The following ADCY2 variants were observed in gnomAD, a reference collection of about 807,000 sequenced individuals.
The protein encoded by ADCY2 is adenylate cyclase type 2.
Under a neutral mutation model 125.2 loss-of-function variants are expected in ADCY2, and 31 were observed. That is an observed-to-expected ratio of 0.25 (90% CI 0.19 to 0.33). ADCY2 has a LOEUF of 0.33. ADCY2 is among the 10% of genes least tolerant of loss of function. The probability of loss-of-function intolerance (pLI) is 1.00; values close to 1 mark genes in which losing one functional copy is unlikely to be tolerated. For missense variants in ADCY2, 904 were observed against 1,418.2 expected, an observed-to-expected ratio of 0.64 and a Z score of 5.82; for synonymous variants, 512 against 548.4, an observed-to-expected ratio of 0.93 and a Z score of 0.93.
rs77787064 is a variant in ADCY2 at position 7,400,759 on chromosome 5, G to A, written c.210+4253G>A. ...CATCTTTTTATGCATTTCTATACACGCAGGAAATCTTACTCTGCAGGTGCT... is the reference window on the plus strand; with the variant it reads ...CATCTTTTTATGCATTTCTATACACACAGGAAATCTTACTCTGCAGGTGCT... On this transcript the variant is annotated intron_variant, in intron 1 of 24. Coordinates refer to ENST00000338316, the MANE Select transcript of ADCY2 (RefSeq NM_020546.3). Among the ~76,000 whole-genome samples the A allele has an allele frequency of 5.1e-3, 779 of 152,268 alleles. 8 individuals are homozygous for A. The highest frequency in any genetic ancestry group is 0.02 in the Middle Eastern group (6 of 294).
intron 2 of ADCY2, among the ~76,000 whole-genome samples, chr5:7,441,387 T>G (rs2126399731): frequency 6.6e-6 from 1 of 152,294 alleles, no homozygotes; most frequent in Non-Finnish European, 1.5e-5. Context: ...ATACTGCATG[T>G]CATATTGATG....
intron 2 of ADCY2, among the ~76,000 whole-genome samples, chr5:7,453,900 AT>A (rs1741569025): frequency 6.6e-6 from 1 of 151,924 alleles, no homozygotes; most frequent in South Asian, 2.1e-4. Flanking sequence ...AAACTCCGCC[AT>A]TTTGCCTCTT....
intron 5 of ADCY2, chr5:7,691,928 G>T: frequency 6.4e-6 from 1 of 155,386 alleles, no homozygotes; most frequent in South Asian, 1.8e-4. Flanking sequence ...GAAGGAGAAA[G>T]AGAGGGAAGG....
At chr5:7,818,893 C>T (rs1339290308) in intron 23 of ADCY2, among the ~76,000 whole-genome samples, 2 of 151,824 alleles carry the variant, frequency 1.3e-5, no homozygotes, top group African/African-American at 4.9e-5. Context: ...TCTGGAGGGA[C>T]AGAAATAATA....
At chr5:7,416,846 T>C (rs1739967367) in intron 2 of ADCY2, among the ~76,000 whole-genome samples, 1 of 152,198 alleles carries the variant, frequency 6.6e-6, no homozygotes, top group South Asian at 2.1e-4. Context: ...TGGTGGTCTC[T>C]TCTTGCACCA....
intron 2 of ADCY2, among the ~76,000 whole-genome samples, chr5:7,435,710 A>G (rs1179394614): frequency 1.3e-5 from 2 of 152,236 alleles, no homozygotes; most frequent in African/African-American, 2.4e-5. Context: ...TTTTGAGTAT[A>G]GGACATTGTC....
chr5:7,734,462 T>C (rs1043283316), intron 14 of ADCY2, among the ~76,000 whole-genome samples: 8 of 152,166 alleles, frequency 5.3e-5, no homozygotes, highest in Non-Finnish European at 1.2e-4. Context: ...ACAATGCACT[T>C]GAATAAAGCA....
In ADCY2 at chr5:7,396,515, C is replaced by T. The variant is rs1430103636; in HGVS notation, c.210+9C>T. ...TCTTCGCGCTCGGGCTGGTGAGTGGCCTCCCCGCGGGTCCAGCGCCGCGCC... is the reference window on the plus strand; with the variant it reads ...TCTTCGCGCTCGGGCTGGTGAGTGGTCTCCCCGCGGGTCCAGCGCCGCGCC... On this transcript the variant is annotated intron_variant, in intron 1 of 24. Coordinates refer to ENST00000338316, the MANE Select transcript of ADCY2 (RefSeq NM_020546.3). This position sits in a 1 kb window ranked among gnomAD's most constrained non-coding sequence, Gnocchi z 5.7. 4 of 1,555,588 alleles carry T rather than the reference C, an allele frequency of 2.6e-6. No individual in the cohort carries two copies. In the African/African-American group the frequency reaches 4.3e-5, roughly 17 times the overall value.
At chr5:7,521,564 G>T (rs1486079764) in intron 3 of ADCY2, among the ~76,000 whole-genome samples, 1 of 152,142 alleles carries the variant, frequency 6.6e-6, no homozygotes, top group East Asian at 1.9e-4. Context: ...CATTTAATTT[G>T]CTCTGTGGAG....
At chr5:7,620,896 G>GA (rs113307576) in intron 3 of ADCY2, among the ~76,000 whole-genome samples, 29,031 of 143,762 alleles carry the variant, frequency 0.2, 2,908 homozygotes, top group African/African-American at 0.24. Flanking sequence ...TTAGTTCATA[G>GA]AAAAAAAAAA....
intron 3 of ADCY2, among the ~76,000 whole-genome samples, chr5:7,580,889 A>G (rs776295951): frequency 7.9e-5 from 12 of 152,362 alleles, no homozygotes; most frequent in African/African-American, 1.4e-4. Context: ...ATCAGAATCA[A>G]TGGAGCCACA....
intron 4 of ADCY2, among the ~76,000 whole-genome samples, chr5:7,631,891 G>T (rs1420752410): frequency 6.6e-6 from 1 of 152,116 alleles, no homozygotes; most frequent in Non-Finnish European, 1.5e-5. Flanking sequence ...CCCCATCTCT[G>T]CATGTTCAGT....
intron 3 of ADCY2, among the ~76,000 whole-genome samples, chr5:7,540,069 T>A (rs192181705): frequency 3.3e-4 from 50 of 152,320 alleles, no homozygotes; most frequent in Middle Eastern, 3.4e-3. Context: ...CTTAGCAAAC[T>A]AATGCAGGAA....
At chr5:7,563,231 G>T (rs1735779414) in intron 3 of ADCY2, among the ~76,000 whole-genome samples, 1 of 152,178 alleles carries the variant, frequency 6.6e-6, no homozygotes, top group South Asian at 2.1e-4. Flanking sequence ...TGTATCCTCT[G>T]TCTTTGTAAC....
intron 2 of ADCY2, among the ~76,000 whole-genome samples, chr5:7,513,869 G>C (rs905209975): frequency 6.6e-6 from 1 of 152,050 alleles, no homozygotes; most frequent in African/African-American, 2.4e-5. Flanking sequence ...GATTTTAATT[G>C]CTCTGCCTTT....
At chr5:7,588,387 T>G (rs1222880266) in intron 3 of ADCY2, among the ~76,000 whole-genome samples, 1 of 152,188 alleles carries the variant, frequency 6.6e-6, no homozygotes, top group Non-Finnish European at 1.5e-5. Context: ...GGTAAAAATA[T>G]GAATCAACAG....
chr5:7,592,741 A>G (rs1312976192), intron 3 of ADCY2, among the ~76,000 whole-genome samples: 4 of 152,200 alleles, frequency 2.6e-5, no homozygotes, highest in Non-Finnish European at 4.4e-5. Flanking sequence ...GAAAATTCTG[A>G]AGGAGAGAAG....
At chr5:7,778,881 T>C (rs1000814364) in intron 18 of ADCY2, among the ~76,000 whole-genome samples, 1 of 152,260 alleles carries the variant, frequency 6.6e-6, no homozygotes, top group Non-Finnish European at 1.5e-5. Context: ...GCAGATGGTC[T>C]GTGGATATTC....
At chr5:7,804,816 G>A in intron 22 of ADCY2, 124 bp downstream of exon 22, 1 of 688,874 alleles carries the variant, frequency 1.5e-6, no homozygotes, top group Non-Finnish European at 2.5e-6. Context: ...AAAGCTCAGG[G>A]TCAAGGTCCT....
Sources: gnomAD v4.1 joint callset for allele counts (sites outside exome capture counted in the v4.1 genomes callset) on GRCh38, gnomAD v4.1.1 for gene constraint, Gnocchi (gnomAD v3.1) non-coding constraint, MANE v1.5 for transcripts, NCBI Gene and HGNC (gene_info 2026-07-23, HGNC 2026-07-21) for gene names.